Variants in DCC observed in about 807,000 individuals in gnomAD.
DCC encodes DCC netrin 1 receptor, also known as netrin receptor DCC.
Under a neutral mutation model 172.5 loss-of-function variants are expected in DCC, and 58 were observed. That is an observed-to-expected ratio of 0.34 (90% CI 0.27 to 0.42). DCC has a LOEUF of 0.42. DCC is among the 10% of genes least tolerant of loss of function. The probability of loss-of-function intolerance (pLI) is 1.00; values close to 1 mark genes in which losing one functional copy is unlikely to be tolerated. For synonymous variants in DCC, 709 were observed against 644.5 expected, an observed-to-expected ratio of 1.10 and a Z score of -1.52; for missense variants, 1,740 against 1,791.0, an observed-to-expected ratio of 0.97 and a Z score of 0.51.
intron 5 of DCC, among the ~76,000 whole-genome samples, chr18:52,969,170 C>T (rs1329230240): frequency 2.0e-5 from 3 of 152,112 alleles, no homozygotes; most frequent in Non-Finnish European, 4.4e-5. Flanking sequence ...GTTTTTACTG[C>T]TATTCACCTA....
chr18:53,348,855 A>T (rs62098017), intron 15 of DCC, among the ~76,000 whole-genome samples: 5 of 152,132 alleles, frequency 3.3e-5, no homozygotes, highest in Non-Finnish European at 5.9e-5. Flanking sequence ...CCCTGGGCCC[A>T]GCCCACAGAA....
intron 2 of DCC, among the ~76,000 whole-genome samples, chr18:52,772,318 G>C (rs755513870): frequency 1.1e-4 from 16 of 152,220 alleles, no homozygotes; most frequent in Admixed American, 2.6e-4. Context: ...ATAATAGCGA[G>C]AGGTTTGTAA....
At chr18:52,412,925 G>A (rs965726920) in intron 1 of DCC, among the ~76,000 whole-genome samples, 6 of 152,002 alleles carry the variant, frequency 3.9e-5, no homozygotes, top group African/African-American at 1.2e-4. Flanking sequence ...TTAGAAGACC[G>A]GATTCATCCA....
At chr18:52,655,245 A>C (rs28668828) in intron 1 of DCC, among the ~76,000 whole-genome samples, 21,372 of 152,076 alleles carry the variant, frequency 0.14, 1,915 homozygotes, top group African/African-American at 0.25. Flanking sequence ...AACAAGACAC[A>C]AGGGGCTTGT....
chr18:52,696,692 G>T (rs988625026), intron 1 of DCC, among the ~76,000 whole-genome samples: 1 of 152,136 alleles, frequency 6.6e-6, no homozygotes, highest in Non-Finnish European at 1.5e-5. Context: ...GAAATAATTA[G>T]CCCAAAATTC....
intron 13 of DCC, among the ~76,000 whole-genome samples, chr18:53,309,964 G>GTATA (rs56355500): frequency 0.011 from 1,447 of 137,330 alleles, 22 homozygotes; most frequent in Non-Finnish European, 0.016. Flanking sequence ...ATACGTGTGT[G>GTATA]TATATATATA....
chr18:53,028,331 G>A (rs887857722), intron 5 of DCC, among the ~76,000 whole-genome samples: 13 of 152,150 alleles, frequency 8.5e-5, no homozygotes, highest in Admixed American at 6.6e-4. Flanking sequence ...ATTAAAAATT[G>A]TATTTAATAA....
At chr18:52,750,842 A>AGT (rs1179340446) in intron 1 of DCC, among the ~76,000 whole-genome samples, 4 of 152,332 alleles carry the variant, frequency 2.6e-5, no homozygotes, top group Admixed American at 2.6e-4. Context: ...TACAACGAAA[A>AGT]GTGTTCCCAT....
chr18:53,180,635 A>G (rs973854576), intron 9 of DCC, among the ~76,000 whole-genome samples: 1 of 152,136 alleles, frequency 6.6e-6, no homozygotes, highest in African/African-American at 2.4e-5. Flanking sequence ...TTTCCTCTTC[A>G]TAATGTCTAT....
chr18:53,348,372 G>T (rs891023301), intron 15 of DCC, among the ~76,000 whole-genome samples: 1 of 152,182 alleles, frequency 6.6e-6, no homozygotes, highest in African/African-American at 2.4e-5. Context: ...CAAGACGTGG[G>T]TTCCCATCTT....
chr18:52,624,331 A>G (rs2034533154), intron 1 of DCC, among the ~76,000 whole-genome samples: 1 of 152,232 alleles, frequency 6.6e-6, no homozygotes, highest in Non-Finnish European at 1.5e-5. Flanking sequence ...TGAGTAAAAT[A>G]GTACCTTTTT....
At chr18:53,290,135 G>A (rs573831851) in intron 12 of DCC, among the ~76,000 whole-genome samples, 2 of 152,196 alleles carry the variant, frequency 1.3e-5, no homozygotes, top group African/African-American at 4.8e-5. Flanking sequence ...GATGTAAAGT[G>A]TAACTAGTAA....
chr18:53,104,643 A>G (rs544803208), intron 7 of DCC, among the ~76,000 whole-genome samples: 1 of 152,198 alleles, frequency 6.6e-6, no homozygotes, highest in African/African-American at 2.4e-5. Context: ...TATCACTGGA[A>G]CAGTTTTACA....
At chr18:53,489,927 G>T (rs1042148273) in intron 26 of DCC, among the ~76,000 whole-genome samples, 1 of 152,124 alleles carries the variant, frequency 6.6e-6, no homozygotes, top group Admixed American at 6.5e-5. Context: ...CATTGTATTT[G>T]AAAACTTCAA....
chr18:52,841,376 G>GT (rs1485866756), intron 2 of DCC, among the ~76,000 whole-genome samples: 1 of 152,086 alleles, frequency 6.6e-6, no homozygotes, highest in African/African-American at 2.4e-5. Context: ...TATCAGGTCT[G>GT]TTTTAGACAT....
chr18:53,509,438 T>C (rs1324634596), intron 27 of DCC, among the ~76,000 whole-genome samples: 8 of 152,222 alleles, frequency 5.3e-5, no homozygotes, highest in Non-Finnish European at 1.0e-4. Flanking sequence ...GCAGACATTA[T>C]GAAAAGGCAG....
At position 52,691,367 on chromosome 18, in the gene DCC, A is replaced by G. The variant is rs554428540; in HGVS notation, c.92-60687A>G. On this transcript the variant is annotated intron_variant, in intron 1 of 28. Transcript: ENST00000442544. ...TAGTTTCCTAGGGTAGCAAAATACC[A>G]AAAACTAGGTGACTTGAAACAGCAG... is the stretch of plus-strand genomic sequence containing the variant. Among the ~76,000 whole-genome samples, 366 of 152,252 alleles carry G rather than the reference A, an allele frequency of 2.4e-3. 1 individual carries two copies. The highest frequency in any genetic ancestry group is 3.9e-3 in the Non-Finnish European group (268 of 68,000).
intron 5 of DCC, among the ~76,000 whole-genome samples, chr18:52,972,945 C>G (rs2041053622): frequency 6.6e-6 from 1 of 152,214 alleles, no homozygotes; most frequent in Non-Finnish European, 1.5e-5. Flanking sequence ...TCTGCAGCCA[C>G]TGCATTCCAA....
At chr18:53,098,424 T>G (rs1404841652) in intron 7 of DCC, among the ~76,000 whole-genome samples, 1 of 152,180 alleles carries the variant, frequency 6.6e-6, no homozygotes, top group Non-Finnish European at 1.5e-5. Context: ...TCTGTAACAC[T>G]TTTTCCATTT....
Sources: allele counts gnomAD v4.1 joint callset (sites outside exome capture counted in the v4.1 genomes callset), GRCh38; gene constraint gnomAD v4.1.1; transcripts MANE v1.5; gene names NCBI Gene and HGNC (gene_info 2026-07-23, HGNC 2026-07-21).